The following RBFOX1 variants were observed in gnomAD, a reference collection of about 807,000 sequenced individuals.
RBFOX1 encodes the protein RNA binding fox-1 homolog 1, also known as RNA binding protein fox-1 homolog 1.
In RBFOX1, 8 loss-of-function variants were observed where a neutral mutation model predicts 57.7. That is an observed-to-expected ratio of 0.14 (90% CI 0.08 to 0.25). RBFOX1 has a LOEUF of 0.25. Ranked by LOEUF, RBFOX1 falls within the 10% of genes least tolerant of loss-of-function variation. The pLI is 1.00. For missense variants in RBFOX1, 611 were observed against 548.5 expected, an observed-to-expected ratio of 1.11 and a Z score of -1.14; for synonymous variants, 326 against 222.4, an observed-to-expected ratio of 1.47 and a Z score of -4.15.
chr16:5,569,567 C>T lies in RBFOX1; in HGVS notation c.259-29335C>T, dbSNP rs532708073. ...TCAGAATAGATCTATGCGGTGGATACATACCATCCCCATTTCACAGATGAG... is the reference window on the plus strand; with the variant it reads ...TCAGAATAGATCTATGCGGTGGATATATACCATCCCCATTTCACAGATGAG... On this transcript the variant is annotated intron_variant, in intron 2 of 2. Transcript: ENST00000585867. 1.3e-3 allele frequency among the ~76,000 whole-genome samples: 186 copies of T among 146,150 alleles called. 6 individuals are homozygous for T. The South Asian group carries it at 0.04, about 32-fold the overall frequency.
At chr16:7,349,623 C>T (rs1463126682) in intron 4 of RBFOX1, among the ~76,000 whole-genome samples, 1 of 152,026 alleles carries the variant, frequency 6.6e-6, no homozygotes, top group South Asian at 2.1e-4. Context: ...TGGCGACATA[C>T]CACATCCGCT....
At chr16:5,930,619 T>C (rs1186256280) in intron 4 of RBFOX1, among the ~76,000 whole-genome samples, 3 of 91,406 alleles carry the variant, frequency 3.3e-5, no homozygotes, top group South Asian at 4.5e-4. Flanking sequence ...GCAGGGTGGA[T>C]GGATGCATGG....
chr16:6,897,790 T>C (rs1003616976), intron 3 of RBFOX1, among the ~76,000 whole-genome samples: 6 of 152,046 alleles, frequency 3.9e-5, no homozygotes, highest in Non-Finnish European at 8.8e-5. Flanking sequence ...CGAGATTCCG[T>C]CTCAAAAAAT....
intron 3 of RBFOX1, among the ~76,000 whole-genome samples, chr16:6,832,291 A>G (rs1045233184): frequency 2.6e-5 from 4 of 152,210 alleles, no homozygotes; most frequent in African/African-American, 7.2e-5. Context: ...CATATGTCAC[A>G]TGTCATTACC....
intron 2 of RBFOX1, among the ~76,000 whole-genome samples, chr16:6,442,734 T>C (rs1011843189): frequency 6.6e-6 from 1 of 152,126 alleles, no homozygotes; most frequent in Non-Finnish European, 1.5e-5. Flanking sequence ...GAGGCTGTAT[T>C]TCTAGGAAGT....
intron 4 of RBFOX1, among the ~76,000 whole-genome samples, chr16:7,202,815 G>A (rs546934971): frequency 1.1e-4 from 17 of 152,136 alleles, no homozygotes; most frequent in Non-Finnish European, 2.2e-4. Flanking sequence ...CCCCACCCTG[G>A]CCATTAGTTT....
chr16:6,622,800 T>C (rs1056276324), intron 2 of RBFOX1, among the ~76,000 whole-genome samples: 2 of 152,248 alleles, frequency 1.3e-5, no homozygotes, highest in Non-Finnish European at 2.9e-5. Flanking sequence ...AAGCCACTGA[T>C]GAGCTGAGAA....
rs533329270 is a variant in RBFOX1 at position 5,480,544 on chromosome 16, C to G, written c.258+13290C>G. Among the ~76,000 whole-genome samples, 528 of 152,324 alleles carry G rather than the reference C, an allele frequency of 3.5e-3. 3 individuals carry two copies. The highest frequency in any genetic ancestry group is 0.012 in the African/African-American group (497 of 41,562). On this transcript the variant is annotated intron_variant, in intron 2 of 2. Transcript: ENST00000585867. Reference sequence around the variant, plus strand: ...AATTCAAATGGTATAGAAAGATGCACAATGCCCTGTTCGCCCAGTCCACCA... The same window carrying G: ...AATTCAAATGGTATAGAAAGATGCAGAATGCCCTGTTCGCCCAGTCCACCA...
chr16:6,934,437 C>T (rs940739416), intron 3 of RBFOX1, among the ~76,000 whole-genome samples: 2 of 152,104 alleles, frequency 1.3e-5, no homozygotes, highest in Non-Finnish European at 2.9e-5. Context: ...ATGTTTATTG[C>T]AGCACTACTT....
At chr16:7,386,327 C>A (rs571901407) in intron 4 of RBFOX1, among the ~76,000 whole-genome samples, 2 of 152,234 alleles carry the variant, frequency 1.3e-5, no homozygotes, top group African/African-American at 4.8e-5. Flanking sequence ...GTGGTTGCTG[C>A]ACCCATCACC....
chr16:6,989,240 C>T lies in RBFOX1; in HGVS notation c.-15-62817C>T, dbSNP rs570822480. On this transcript the variant is annotated intron_variant, in intron 3 of 15. Transcript: ENST00000550418. The stretch of plus-strand genomic sequence containing the variant: ...GTGGCTATTAGAAAAATTTTAATTG[C>T]ATGTATTGCTTGCATTATTTTTCTC... Among the ~76,000 whole-genome samples the T allele has an allele frequency of 2.6e-5, 4 of 152,158 alleles. No individual in the cohort carries two copies. The East Asian group carries it at 5.8e-4, about 22-fold the overall frequency.
Position 7,583,815 on chromosome 16 carries a change from T to C in RBFOX1, c.415-3432T>C, listed in dbSNP as rs1276799904. ...GCGCAACATAGGGAGACCCAGTTTCTACAACAATAAAATCAAAAAAAACCA... is the reference window on the plus strand; with the variant it reads ...GCGCAACATAGGGAGACCCAGTTTCCACAACAATAAAATCAAAAAAAACCA... On this transcript the variant is annotated intron_variant, in intron 6 of 15. Transcript: ENST00000550418. Among the ~76,000 whole-genome samples, 131 of 150,368 alleles carry C rather than the reference T, an allele frequency of 8.7e-4. 1 individual carries two copies. Among genetic ancestry groups the C allele is most frequent in the Non-Finnish European group, 8.8e-5 (6 of 67,980 alleles).
At chr16:6,503,118 T>G (rs2095986610) in intron 2 of RBFOX1, among the ~76,000 whole-genome samples, 1 of 152,216 alleles carries the variant, frequency 6.6e-6, no homozygotes, top group African/African-American at 2.4e-5. Flanking sequence ...GAAGAGTGAT[T>G]ATTCAAAGAA....
chr16:5,589,213 T>G lies in RBFOX1; in HGVS notation c.259-9689T>G, dbSNP rs74671513. ...GCACTTGGCCACATCCCTGGTGGGTTTGTGGGGCGGTGGTGGAGGGAACAT... is the reference window on the plus strand; with the variant it reads ...GCACTTGGCCACATCCCTGGTGGGTGTGTGGGGCGGTGGTGGAGGGAACAT... On this transcript the variant is annotated intron_variant, in intron 2 of 2. Coordinates refer to the RBFOX1 transcript ENST00000585867. Among the ~76,000 whole-genome samples, 155 of 152,164 alleles carry G rather than the reference T, an allele frequency of 1.0e-3. 5 individuals are homozygous for G. In the East Asian group the frequency reaches 0.028, roughly 28 times the overall value.
chr16:7,532,755 C>T (rs563699486), intron 5 of RBFOX1, among the ~76,000 whole-genome samples: 5 of 152,338 alleles, frequency 3.3e-5, no homozygotes, highest in South Asian at 2.1e-4. Flanking sequence ...AACTGGTTCA[C>T]ATATTGCCTA....
intron 1 of RBFOX1, among the ~76,000 whole-genome samples, chr16:6,202,763 T>C (rs891604571): frequency 6.6e-6 from 1 of 152,100 alleles, no homozygotes; most frequent in Non-Finnish European, 1.5e-5. Flanking sequence ...GTTCTTTATG[T>C]AATTTATTTT....
chr16:6,740,731 G>A (rs1183613687), intron 3 of RBFOX1, among the ~76,000 whole-genome samples: 2 of 152,182 alleles, frequency 1.3e-5, no homozygotes, highest in Non-Finnish European at 2.9e-5. Context: ...CATGTAAATA[G>A]ATGGAAAAGC....
At chr16:7,160,087 T>C (rs2077984292) in intron 4 of RBFOX1, among the ~76,000 whole-genome samples, 1 of 152,208 alleles carries the variant, frequency 6.6e-6, no homozygotes, top group African/African-American at 2.4e-5. Flanking sequence ...ATAACAGTAT[T>C]AGAACTAATT....
At chr16:5,948,176 G>C (rs1345121097) in intron 4 of RBFOX1, among the ~76,000 whole-genome samples, 1 of 152,172 alleles carries the variant, frequency 6.6e-6, no homozygotes, top group Non-Finnish European at 1.5e-5. Flanking sequence ...GCCTCTGTTT[G>C]CTATAGAGGG....
Sources: gnomAD v4.1 joint callset for allele counts (sites outside exome capture counted in the v4.1 genomes callset) on GRCh38, gnomAD v4.1.1 for gene constraint, MANE v1.5 for transcripts, NCBI Gene and HGNC (gene_info 2026-07-23, HGNC 2026-07-21) for gene names.